SPATA17: variants seen among roughly 807,000 people sequenced by gnomAD.
SPATA17 encodes the protein spermatogenesis-associated protein 17.
Under a neutral mutation model 62.2 loss-of-function variants are expected in SPATA17, and 53 were observed. The observed-to-expected ratio is 0.85, with a 90% CI of 0.68 to 1.07. The LOEUF (loss-of-function observed/expected upper bound fraction) is 1.07. SPATA17 is among the 50% of genes least tolerant of loss of function. The probability of loss-of-function intolerance (pLI) is 0.00; values close to 1 mark genes in which losing one functional copy is unlikely to be tolerated. For synonymous variants in SPATA17, 146 were observed against 146.8 expected (o/e 0.99, Z 0.04); for missense variants, 466 against 425.5 (o/e 1.10, Z -0.84).
intron 5 of SPATA17, among the ~76,000 whole-genome samples, chr1:217,716,518 G>T (rs1159490707): frequency 6.6e-6 from 1 of 152,178 alleles, no homozygotes; most frequent in Non-Finnish European, 1.5e-5. Flanking sequence ...AGACTATTGG[G>T]ATTGAGTAGA....
At chr1:217,803,012 A>G (rs1674348779) in intron 9 of SPATA17, among the ~76,000 whole-genome samples, 2 of 152,076 alleles carry the variant, frequency 1.3e-5, no homozygotes, top group Admixed American at 1.3e-4. Flanking sequence ...CCTCAGATTC[A>G]AGTGATTCTC....
rs531737133 is a variant in SPATA17, at chr1:217,782,617, G to A, written c.872+295G>A. ...ATTTTCTTAATTATCTATAGTGAAA[G>A]CATACATATTTATGAAACGCCTAAA... is the stretch of plus-strand genomic sequence containing the variant. On this transcript the variant is annotated intron_variant, in intron 8 of 10. Coordinates refer to ENST00000366933, the MANE Select transcript of SPATA17 (RefSeq NM_138796.4). Among the ~76,000 whole-genome samples the A allele has an allele frequency of 3.9e-5, 6 of 152,128 alleles. 1 individual carries two copies. In the South Asian group the frequency reaches 1.2e-3, roughly 32 times the overall value.
chr1:217,735,688 G>T (rs531860794), intron 5 of SPATA17, among the ~76,000 whole-genome samples: 13 of 152,198 alleles, frequency 8.5e-5, no homozygotes, highest in African/African-American at 3.1e-4. Context: ...TTGTTGAGGG[G>T]ATCTATGAAG....
chr1:217,845,227 G>T (rs1444337444), intron 9 of SPATA17, among the ~76,000 whole-genome samples: 1 of 151,956 alleles, frequency 6.6e-6, no homozygotes, highest in East Asian at 1.9e-4. Context: ...TTTAACATGT[G>T]GACCAATTTT....
intron 5 of SPATA17, among the ~76,000 whole-genome samples, chr1:217,731,073 A>G (rs1672393863): frequency 6.6e-6 from 1 of 152,042 alleles, no homozygotes; most frequent in African/African-American, 2.4e-5. Flanking sequence ...TTCTCTTATA[A>G]TTTAATTCTC....
rs10631525 is a variant in SPATA17, at chr1:217,702,032, G to GTATATATA, written c.395+18683_395+18690dup. Among the ~76,000 whole-genome samples the GTATATATA allele has an allele frequency of 5.5e-3, 819 of 147,838 alleles. 4 individuals carry two copies. The highest frequency in any genetic ancestry group is 7.4e-3 in the African/African-American group (300 of 40,380). ...TTAGAGGCAATCACTAAAATTTGGT[G>GTATATATA]TATATATATATATATATATGCAGAT... is the stretch of plus-strand genomic sequence containing the variant. On this transcript the variant is annotated intron_variant, in intron 5 of 10. Transcript: ENST00000366933.
chr1:217,705,837 T>C (rs995816095), intron 5 of SPATA17, among the ~76,000 whole-genome samples: 1 of 152,216 alleles, frequency 6.6e-6, no homozygotes, highest in African/African-American at 2.4e-5. Flanking sequence ...TAGGTTATCT[T>C]CCAGGGTTTT....
chr1:217,683,414 A>G (rs1400200506), intron 5 of SPATA17, 53 bp downstream of exon 5: 21 of 1,118,610 alleles, frequency 1.9e-5, no homozygotes, highest in Non-Finnish European at 2.6e-5. Context: ...AGATTACTCA[A>G]TAGATGTTGA....
intron 5 of SPATA17, among the ~76,000 whole-genome samples, chr1:217,714,738 G>A (rs1671961949): frequency 1.3e-5 from 2 of 152,102 alleles, no homozygotes; most frequent in Admixed American, 6.5e-5. Context: ...GCCCGCCTCG[G>A]CCTCCCAAAG....
chr1:217,753,682 T>C (rs1364039193), intron 6 of SPATA17, among the ~76,000 whole-genome samples: 1 of 152,052 alleles, frequency 6.6e-6, no homozygotes, highest in Non-Finnish European at 1.5e-5. Context: ...TGTATACATG[T>C]TATGTATGTA....
At chr1:217,732,482 ACT>A (rs1672422612) in intron 5 of SPATA17, among the ~76,000 whole-genome samples, 1 of 151,950 alleles carries the variant, frequency 6.6e-6, no homozygotes, top group Admixed American at 6.6e-5. Flanking sequence ...AGATCATGAA[ACT>A]CTTTTTATAT....
At chr1:217,808,189 T>C (rs969700962) in intron 9 of SPATA17, among the ~76,000 whole-genome samples, 4 of 152,164 alleles carry the variant, frequency 2.6e-5, no homozygotes, top group African/African-American at 9.7e-5. Flanking sequence ...CTGACTCTGT[T>C]TCTGAGATAA....
At chr1:217,763,088 T>C (rs1334565270) in intron 6 of SPATA17, among the ~76,000 whole-genome samples, 1 of 152,242 alleles carries the variant, frequency 6.6e-6, no homozygotes, top group African/African-American at 2.4e-5. Flanking sequence ...CAAATTCTTC[T>C]AATGCGCAGC....
chr1:217,802,888 A>G (rs748862287), intron 9 of SPATA17, among the ~76,000 whole-genome samples: 3 of 152,122 alleles, frequency 2.0e-5, no homozygotes, highest in South Asian at 2.1e-4. Flanking sequence ...TATCTAAATC[A>G]TAGGAACATG....
At chr1:217,748,838 A>T (rs1000771978) in intron 6 of SPATA17, among the ~76,000 whole-genome samples, 2 of 152,050 alleles carry the variant, frequency 1.3e-5, no homozygotes, top group Non-Finnish European at 2.9e-5. Context: ...TCTTATGCAT[A>T]TCAAGTGCTC....
At chr1:217,813,364 C>T (rs1258236084) in intron 9 of SPATA17, among the ~76,000 whole-genome samples, 1 of 152,162 alleles carries the variant, frequency 6.6e-6, no homozygotes, top group Non-Finnish European at 1.5e-5. Flanking sequence ...TACAGCTGAA[C>T]TGTACAGCAG....
In SPATA17 at chr1:217,700,746, C is replaced by G. The variant is rs1671577060; in HGVS notation, c.395+17385C>G. ...AGGCTACAGGCATGCGCCGCCATGGCTAATTTTTTCTTTTTCTTTTTTTTT... is the reference window on the plus strand; with the variant it reads ...AGGCTACAGGCATGCGCCGCCATGGGTAATTTTTTCTTTTTCTTTTTTTTT... On this transcript the variant is annotated intron_variant, in intron 5 of 10. Transcript: ENST00000366933. Among the ~76,000 whole-genome samples the G allele has an allele frequency of 2.1e-5, 3 of 143,676 alleles. No individual in the cohort carries two copies. The South Asian group carries it at 6.5e-4, about 31-fold the overall frequency. 94.3% of individuals were successfully genotyped at this position (143,676 alleles called of 152,430 possible).
At chr1:217,657,039 C>T (rs1406202106) in intron 3 of SPATA17, among the ~76,000 whole-genome samples, 1 of 152,088 alleles carries the variant, frequency 6.6e-6, no homozygotes, top group East Asian at 1.9e-4. Flanking sequence ...CTTCATGGAG[C>T]CTTCATTCAA....
intron 5 of SPATA17, among the ~76,000 whole-genome samples, chr1:217,740,709 G>C (rs1311361648): frequency 2.6e-5 from 4 of 152,194 alleles, no homozygotes; most frequent in Non-Finnish European, 5.9e-5. Context: ...TAAATGTGCA[G>C]CTAGCCTGGC....
Sources: gnomAD v4.1 joint callset for allele counts (sites outside exome capture counted in the v4.1 genomes callset) on GRCh38, gnomAD v4.1.1 for gene constraint, MANE v1.5 for transcripts, NCBI Gene and HGNC (gene_info 2026-07-23, HGNC 2026-07-21) for gene names.